Variants in NCOA1 observed in about 807,000 individuals in gnomAD.
NCOA1 encodes Hin-2 protein.
NCOA1 carries 35 observed loss-of-function variants against 150.9 expected under a neutral mutation model. The observed-to-expected ratio is 0.23, with a 90% CI of 0.18 to 0.31. NCOA1 has a LOEUF of 0.31. Among genes scored for constraint, NCOA1 ranks in the 10% least tolerant of loss-of-function variants. NCOA1 has a pLI of 1.00. For missense variants in NCOA1, 1,491 were observed against 1,749.3 expected (o/e 0.85, Z 2.63); for synonymous variants, 590 against 630.0 (o/e 0.94, Z 0.95).
intron 3 of NCOA1, among the ~76,000 whole-genome samples, chr2:24,639,966 A>C (rs1670128479): frequency 8.7e-6 from 1 of 114,982 alleles, no homozygotes; most frequent in Non-Finnish European, 1.8e-5. Flanking sequence ...ATATATATAT[A>C]TATATTCAGA....
intron 13 of NCOA1, among the ~76,000 whole-genome samples, chr2:24,708,923 C>T (rs929036404): frequency 6.6e-6 from 1 of 152,180 alleles, no homozygotes; most frequent in Admixed American, 6.6e-5. Context: ...TCTACTCATC[C>T]TTCACAAACC....
intron 7 of NCOA1, among the ~76,000 whole-genome samples, chr2:24,677,208 G>A (rs1671950101): frequency 6.6e-6 from 1 of 152,114 alleles, no homozygotes; most frequent in Non-Finnish European, 1.5e-5. Flanking sequence ...GCCTGGCATG[G>A]TGGCACATGC....
At chr2:24,710,069 T>A (rs954417947) in intron 13 of NCOA1, among the ~76,000 whole-genome samples, 1 of 151,440 alleles carries the variant, frequency 6.6e-6, no homozygotes, top group African/African-American at 2.4e-5. Context: ...TATTTATTCT[T>A]TTTTATTTTA....
chr2:24,527,962 C>T (rs944209542), intron 1 of NCOA1, among the ~76,000 whole-genome samples: 5 of 152,030 alleles, frequency 3.3e-5, no homozygotes, highest in African/African-American at 7.2e-5. Context: ...ATTTTTATGT[C>T]GTCTTTGGAG....
At chr2:24,704,378 A>C (rs1673307457) in intron 11 of NCOA1, among the ~76,000 whole-genome samples, 1 of 152,196 alleles carries the variant, frequency 6.6e-6, no homozygotes, top group Non-Finnish European at 1.5e-5. Context: ...CAAAAGAGAA[A>C]ACAAACTTGT....
intron 4 of NCOA1, among the ~76,000 whole-genome samples, chr2:24,656,087 CAAA>C (rs58446937): frequency 1.2e-3 from 72 of 62,034 alleles, no homozygotes; most frequent in African/African-American, 3.6e-3. Context: ...GACTCCGTCT[CAAA>C]AAAAAAAAAA....
At chr2:24,553,442 C>A (rs1476000095) in intron 1 of NCOA1, among the ~76,000 whole-genome samples, 2 of 152,086 alleles carry the variant, frequency 1.3e-5, no homozygotes, top group Admixed American at 6.5e-5. Context: ...TGGTCCCAAA[C>A]TGCTGACCTC....
chr2:24,750,818 T>C (rs1380867929), intron 19 of NCOA1, among the ~76,000 whole-genome samples: 3 of 151,758 alleles, frequency 2.0e-5, no homozygotes, highest in African/African-American at 7.3e-5. Flanking sequence ...ATTGTGGTAA[T>C]GGCGGCACAA....
chr2:24,612,423 G>A (rs1052003258), intron 3 of NCOA1, among the ~76,000 whole-genome samples: 20 of 152,128 alleles, frequency 1.3e-4, no homozygotes, highest in African/African-American at 4.8e-4. Flanking sequence ...TCTTGTATCT[G>A]AATGTCTACC....
chr2:24,702,457 T>C (rs926352012), intron 11 of NCOA1, among the ~76,000 whole-genome samples: 1 of 152,232 alleles, frequency 6.6e-6, no homozygotes, highest in East Asian at 1.9e-4. Flanking sequence ...CAGTCAGGCA[T>C]GCTTGTTTGA....
In NCOA1 at chr2:24,768,309, T is replaced by C; in HGVS notation, c.4244T>C (p.Leu1415Pro). The C allele has an allele frequency of 3.7e-6, 6 of 1,613,942 alleles. No homozygotes were observed. The highest frequency in any genetic ancestry group is 5.1e-6 in the Non-Finnish European group (6 of 1,179,978). Residue 1415 changes from leucine to proline, a missense_variant, in exon 23 of 23, where the codon CTG becomes CCG. Leu to Pro is a moderately conservative substitution (Grantham distance 98). Coordinates refer to ENST00000348332, the MANE Select transcript of NCOA1 (RefSeq NM_003743.5). The stretch of plus-strand genomic sequence containing the variant: ...CCTTACCTGAACCAGCCTGGTCCAC[T>C]GGGAACTCAAAAGCCCACGTCAGGA... ...GDPYLNQPGP[L>P]GTQKPTSGPQ... is the part of the protein sequence containing the mutation.
At chr2:24,551,093 T>TTA (rs1399851308) in intron 1 of NCOA1, among the ~76,000 whole-genome samples, 1 of 126,240 alleles carries the variant, frequency 7.9e-6, no homozygotes, top group South Asian at 2.5e-4. Context: ...AGACTTTGTC[T>TTA]CAAAAAAAAA....
intron 1 of NCOA1, among the ~76,000 whole-genome samples, chr2:24,544,168 A>T (rs1665510087): frequency 6.6e-6 from 1 of 152,150 alleles, no homozygotes; most frequent in African/African-American, 2.4e-5. Flanking sequence ...TAGGTAGATG[A>T]TGATGATGGT....
chr2:24,627,288 A>G (rs1285060845), intron 3 of NCOA1, among the ~76,000 whole-genome samples: 3 of 152,080 alleles, frequency 2.0e-5, no homozygotes, highest in Non-Finnish European at 4.4e-5. Context: ...CAAAAATGGA[A>G]TTACTTATTA....
intron 5 of NCOA1, 104 bp from the exon 6 acceptor site, chr2:24,665,645 G>A: frequency 1.1e-6 from 1 of 947,190 alleles, no homozygotes; most frequent in Non-Finnish European, 1.4e-6. Flanking sequence ...TTATATTTTC[G>A]ATAAAAATAA....
chr2:24,639,891 A>G (rs1332160134), intron 3 of NCOA1, among the ~76,000 whole-genome samples: 1 of 120,316 alleles, frequency 8.3e-6, no homozygotes, highest in African/African-American at 3.1e-5. Context: ...CTGTCTCAAA[A>G]AAAAAAAAAA....
chr2:24,768,150 C>G (rs1212651855), intron 22 of NCOA1, 71 bp from the exon 23 acceptor site: 4 of 1,613,770 alleles, frequency 2.5e-6, no homozygotes, highest in Non-Finnish European at 3.4e-6. Flanking sequence ...GTTTCCACTT[C>G]AAGTAGTACC....
At chr2:24,677,466 C>T (rs1051254790) in intron 7 of NCOA1, among the ~76,000 whole-genome samples, 1 of 152,268 alleles carries the variant, frequency 6.6e-6, no homozygotes, top group East Asian at 1.9e-4. Flanking sequence ...GTCTGTCACC[C>T]AGGCTGGAAT....
At chr2:24,500,791 C>T (rs1360300362) in intron 1 of NCOA1, among the ~76,000 whole-genome samples, 1 of 152,138 alleles carries the variant, frequency 6.6e-6, no homozygotes, top group African/African-American at 2.4e-5. Context: ...TAATCTGCCC[C>T]TTTGAGATAA....
Sources: gnomAD v4.1 joint callset for allele counts (sites outside exome capture counted in the v4.1 genomes callset) on GRCh38, gnomAD v4.1.1 for gene constraint, MANE v1.5 for transcripts, NCBI Gene and HGNC (gene_info 2026-07-23, HGNC 2026-07-21) for gene names.